The following PCP4 variants were observed in gnomAD, a reference collection of about 807,000 sequenced individuals.
PCP4 encodes the protein calmodulin regulator protein PCP4.
Under a neutral mutation model 10.0 loss-of-function variants are expected in PCP4, and 8 were observed. The observed-to-expected ratio is 0.80, with a 90% CI of 0.47 to 1.45. The LOEUF (loss-of-function observed/expected upper bound fraction) is 1.45. Ranked by LOEUF, PCP4 falls within the 40% of genes most tolerant of loss-of-function variation. The probability of loss-of-function intolerance (pLI) is 0.00; values close to 1 mark genes in which losing one functional copy is unlikely to be tolerated. For synonymous variants in PCP4, 21 were observed against 23.0 expected, an observed-to-expected ratio of 0.91 and a Z score of 0.24; for missense variants, 54 against 74.4, an observed-to-expected ratio of 0.73 and a Z score of 1.01.
intron 1 of PCP4, among the ~76,000 whole-genome samples, chr21:39,871,266 T>A (rs2087318493): frequency 6.6e-6 from 1 of 152,188 alleles, no homozygotes. Context: ...GATTGCCCAG[T>A]GGAGGGACTA....
chr21:39,922,160 C>T (rs1009245045), intron 2 of PCP4, among the ~76,000 whole-genome samples: 7 of 152,240 alleles, frequency 4.6e-5, no homozygotes, highest in South Asian at 4.2e-4. Context: ...CCCTGAGACT[C>T]GTAAAATTCA....
intron 2 of PCP4, chr21:39,926,153 ACT>A: frequency 4.5e-6 from 2 of 447,770 alleles, no homozygotes; most frequent in South Asian, 1.6e-5. Context: ...CGGGAACTGG[ACT>A]CTCTGAAGTA....
chr21:39,908,324 A>T (rs1449087064), intron 2 of PCP4, among the ~76,000 whole-genome samples: 1 of 152,132 alleles, frequency 6.6e-6, no homozygotes. Context: ...ATCCCTCCTC[A>T]GGTGTCATTA....
chr21:39,897,097 G>A (rs2087460381), intron 1 of PCP4, among the ~76,000 whole-genome samples: 2 of 152,072 alleles, frequency 1.3e-5, no homozygotes, highest in Non-Finnish European at 2.9e-5. Context: ...TCATCTGAAA[G>A]TTAGAGACTT....
chr21:39,894,033 G>A (rs1390929405), intron 1 of PCP4, among the ~76,000 whole-genome samples: 2 of 152,188 alleles, frequency 1.3e-5, no homozygotes, highest in Non-Finnish European at 2.9e-5. Context: ...ACAAGGTGTT[G>A]TGGAGGGTCC....
At chr21:39,875,639 C>T (rs1173571062) in intron 1 of PCP4, among the ~76,000 whole-genome samples, 1 of 152,146 alleles carries the variant, frequency 6.6e-6, no homozygotes, top group Non-Finnish European at 1.5e-5. Context: ...TCTGTTTTAG[C>T]ATATCAATGT....
chr21:39,924,185 C>T (rs148116317), intron 2 of PCP4, among the ~76,000 whole-genome samples: 20 of 152,324 alleles, frequency 1.3e-4, no homozygotes, highest in African/African-American at 4.8e-4. Flanking sequence ...CTGCCCACGT[C>T]CCCTTCACTG....
intron 2 of PCP4, among the ~76,000 whole-genome samples, chr21:39,905,955 C>A (rs1260743306): frequency 6.6e-6 from 1 of 152,132 alleles, no homozygotes; most frequent in Non-Finnish European, 1.5e-5. Flanking sequence ...GAGGCTGAGG[C>A]AGGAGAATGG....
intron 2 of PCP4, among the ~76,000 whole-genome samples, chr21:39,904,234 AC>A (rs2081665301): frequency 6.6e-6 from 1 of 151,912 alleles, no homozygotes; most frequent in African/African-American, 2.4e-5. Flanking sequence ...ACTACCCCCT[AC>A]CCCTGGCCCT....
chr21:39,910,457 C>A (rs2087534165), intron 2 of PCP4, among the ~76,000 whole-genome samples: 1 of 152,030 alleles, frequency 6.6e-6, no homozygotes. Context: ...CACCAAAATC[C>A]AATTTCCCAC....
At position 39,929,357 on chromosome 21, in the gene PCP4, T is replaced by G. The variant is rs1489771979; in HGVS notation, c.*246T>G. 3.0e-6 allele frequency: 1 copy of G among 331,342 alleles called. No individual in the cohort carries two copies. Among genetic ancestry groups the G allele is most frequent in the Non-Finnish European group, 5.4e-6 (1 of 183,856 alleles). 20.5% of individuals were successfully genotyped at this position (331,342 alleles called of 1,614,324 possible). A position where few individuals can be genotyped will look rare whatever the true frequency, so the allele number is the denominator to read the frequency against. On this transcript the variant is annotated 3_prime_UTR_variant, in exon 3 of 3. Coordinates refer to ENST00000328619, the MANE Select transcript of PCP4 (RefSeq NM_006198.3). Reference sequence around the variant, plus strand: ...TTCATTCCTCCTGCAACTATTTTCCTTGATGTTGTAATAAAATGAAGTTAC... The same window carrying G: ...TTCATTCCTCCTGCAACTATTTTCCGTGATGTTGTAATAAAATGAAGTTAC...
chr21:39,899,978 A>T (rs963558612), intron 2 of PCP4, among the ~76,000 whole-genome samples: 4 of 148,440 alleles, frequency 2.7e-5, no homozygotes, highest in Admixed American at 6.6e-5. Flanking sequence ...GAACCTCACA[A>T]CCTTAGAATT....
intron 2 of PCP4, among the ~76,000 whole-genome samples, chr21:39,911,974 A>C (rs1188493079): frequency 1.3e-5 from 2 of 152,234 alleles, no homozygotes; most frequent in African/African-American, 4.8e-5. Flanking sequence ...CACCCCGGCC[A>C]TTCACAGCTG....
Position 39,889,476 on chromosome 21 carries a change from G to A in PCP4, c.10-9000G>A, listed in dbSNP as rs565096320. On this transcript the variant is annotated intron_variant, in intron 1 of 2. Transcript: ENST00000328619. ...CTGTCACCCAGGCTGCAGTACCGTG[G>A]CACGATCTCGGCTCACTGCAAGCTC... Among the ~76,000 whole-genome samples the A allele has an allele frequency of 8.4e-5, 12 of 142,464 alleles. No homozygotes were observed. In the East Asian group the frequency reaches 1.9e-3, roughly 22 times the overall value. 93.5% of individuals were successfully genotyped at this position (142,464 alleles called of 152,430 possible). A position where few individuals can be genotyped will look rare whatever the true frequency, so the allele number is the denominator to read the frequency against.
intron 2 of PCP4, among the ~76,000 whole-genome samples, chr21:39,922,482 C>T (rs2087601229): frequency 6.6e-6 from 1 of 152,166 alleles, no homozygotes; most frequent in Non-Finnish European, 1.5e-5. Context: ...AAAGTTTAAA[C>T]TTGAATAGGA....
At chr21:39,869,645 C>G (rs71316701) in intron 1 of PCP4, among the ~76,000 whole-genome samples, 1,579 of 152,298 alleles carry the variant, frequency 0.01, 20 homozygotes, top group Middle Eastern at 0.017. Context: ...CTCCAAGTTC[C>G]TGGGCATGTG....
intron 1 of PCP4, among the ~76,000 whole-genome samples, chr21:39,895,340 G>T (rs554664155): frequency 4.5e-4 from 68 of 152,342 alleles, no homozygotes; most frequent in Non-Finnish European, 8.4e-4. Flanking sequence ...CTGGAATTGA[G>T]CCCTTGGCTG....
chr21:39,880,130 GTATCTATATCTA>G (rs57501558), intron 1 of PCP4, among the ~76,000 whole-genome samples: 11,732 of 141,524 alleles, frequency 0.083, 554 homozygotes, highest in African/African-American at 0.11. Context: ...ATCTATATCT[GTATCTATATCTA>G]TATCTATATC....
intron 1 of PCP4, among the ~76,000 whole-genome samples, chr21:39,874,130 G>GTTTTGCTT (rs1291359442): frequency 3.3e-5 from 5 of 152,182 alleles, no homozygotes; most frequent in Non-Finnish European, 7.3e-5. Flanking sequence ...GGGCAAGGAA[G>GTTTTGCTT]CAAAAGCTGT....
Sources: gnomAD v4.1 joint callset for allele counts (sites outside exome capture counted in the v4.1 genomes callset) on GRCh38, gnomAD v4.1.1 for gene constraint, MANE v1.5 for transcripts, NCBI Gene and HGNC (gene_info 2026-07-23, HGNC 2026-07-21) for gene names.